The following AFDN variants were observed in gnomAD, a reference collection of about 807,000 sequenced individuals.
AFDN encodes afadin, adherens junction formation factor, also known as afadin.
Under a neutral mutation model 216.6 loss-of-function variants are expected in AFDN, and 68 were observed. The ratio of observed to expected loss-of-function variants is 0.31; its 90% CI spans 0.26 to 0.38. The LOEUF (loss-of-function observed/expected upper bound fraction) is 0.38, where lower values mean the gene tolerates loss of function less well. AFDN is among the 10% of genes least tolerant of loss of function. AFDN has a pLI of 1.00. For missense variants in AFDN, 2,136 were observed against 2,342.0 expected (o/e 0.91, Z 1.82); for synonymous variants, 868 against 853.7 (o/e 1.02, Z -0.29).
At position 167,898,778 on chromosome 6, in the gene AFDN, C is replaced by T. The variant is rs149202411; in HGVS notation, c.1580+311C>T. ...AAACATGGTGTTCTTTGTAATTATT[C>T]AGTGTAACTAAGATTATAAAATTTT... On this transcript the variant is annotated intron_variant, in intron 11 of 33. Transcript: ENST00000683244. Among the ~76,000 whole-genome samples, 25 of 152,272 alleles carry T rather than the reference C, an allele frequency of 1.6e-4. No homozygotes were observed. In the East Asian group the frequency reaches 4.8e-3, roughly 29 times the overall value.
intron 2 of AFDN, among the ~76,000 whole-genome samples, chr6:167,867,069 C>T (rs1029682807): frequency 3.3e-5 from 5 of 152,220 alleles, no homozygotes; most frequent in African/African-American, 1.2e-4. Context: ...ATCTTAAATG[C>T]GTAAAGATTA....
Position 167,924,274 on chromosome 6 carries a change from A to G in AFDN, c.3013-731A>G, listed in dbSNP as rs961851886. ...TTAAGTTCCTCCTTAGTGTGTATGC[A>G]CTGTTAATTTTCTTCTTGAATTTTG... On this transcript the variant is annotated intron_variant, in intron 22 of 33. Transcript: ENST00000683244. 1.1e-4 allele frequency among the ~76,000 whole-genome samples: 17 copies of G among 152,214 alleles called. 1 individual carries two copies. In the East Asian group the frequency reaches 3.1e-3, roughly 28 times the overall value.
chr6:167,931,481 G>A (rs1793295311), intron 23 of AFDN, among the ~76,000 whole-genome samples: 2 of 152,166 alleles, frequency 1.3e-5, no homozygotes, highest in East Asian at 3.9e-4. Context: ...TAAAGAAAAT[G>A]GCCTGTTAAT....
intron 1 of AFDN, among the ~76,000 whole-genome samples, chr6:167,840,288 C>A (rs1463058066): frequency 2.0e-5 from 3 of 152,126 alleles, no homozygotes; most frequent in African/African-American, 7.2e-5. Flanking sequence ...ATATGCAGGC[C>A]CATTTTGTGG....
chr6:167,906,445 A>G (rs981256275), intron 12 of AFDN, among the ~76,000 whole-genome samples: 23 of 152,196 alleles, frequency 1.5e-4, no homozygotes, highest in African/African-American at 5.5e-4. Context: ...TTTTTTATTT[A>G]CTACTTGTGC....
intron 22 of AFDN, among the ~76,000 whole-genome samples, chr6:167,924,238 T>C (rs1296321247): frequency 6.6e-6 from 1 of 152,246 alleles, no homozygotes; most frequent in Non-Finnish European, 1.5e-5. Flanking sequence ...CCTGCTTATA[T>C]ATTTAATTAC....
intron 21 of AFDN, among the ~76,000 whole-genome samples, chr6:167,920,239 TG>T (rs747014552): frequency 1.3e-5 from 2 of 152,006 alleles, no homozygotes; most frequent in East Asian, 3.9e-4. Context: ...GTGACGAGGT[TG>T]GGGAAGGAGG....
At chr6:167,937,815 A>G (rs1263428826) in intron 23 of AFDN, among the ~76,000 whole-genome samples, 1 of 152,188 alleles carries the variant, frequency 6.6e-6, no homozygotes, top group Non-Finnish European at 1.5e-5. Flanking sequence ...TTGCTAACCC[A>G]TATATAATGG....
At position 167,854,944 on chromosome 6, in the gene AFDN, T is replaced by C. The variant is rs147581606; in HGVS notation, c.106-9607T>C. Among the ~76,000 whole-genome samples, 16 of 152,112 alleles carry C rather than the reference T, an allele frequency of 1.1e-4. No homozygotes were observed. In the East Asian group the frequency reaches 2.7e-3, roughly 26 times the overall value. On this transcript the variant is annotated intron_variant, in intron 1 of 33. Transcript: ENST00000683244. ...AACCATTGTATTTTTAGTTACTGTT[T>C]TCTTAAATTTATAAATTAAGTGTGT...
chr6:167,943,610 C>T, intron 25 of AFDN, 135 bp downstream of exon 25: 2 of 661,562 alleles, frequency 3.0e-6, no homozygotes, highest in Non-Finnish European at 5.3e-6. Context: ...GTGTACGTGA[C>T]ATTTCACTTG....
chr6:167,844,174 TGAA>T lies in AFDN; in HGVS notation c.105+16939_105+16941del, dbSNP rs1223752668. ...AGTTTTGCTCTTGTAGACTCAAAAA[TGAA>T]GTGTGTGTGTGTGTGTGTGTGTGTG... On this transcript the variant is annotated intron_variant, in intron 1 of 33. Coordinates refer to ENST00000683244, the MANE Select transcript of AFDN (RefSeq NM_001386888.1). Among the ~76,000 whole-genome samples, 14 of 125,178 alleles carry T rather than the reference TGAA, an allele frequency of 1.1e-4. No homozygotes were observed. In the Admixed American group the frequency reaches 1.1e-3, roughly 10 times the overall value. 82.1% of individuals were successfully genotyped at this position (125,178 alleles called of 152,430 possible).
chr6:167,946,915 T>A lies in AFDN; in HGVS notation c.3553+14T>A. ...CCAACGTAGCAAGTAAGAGTGACAC[T>A]TTTTTGCTTCCTAAGTACACTTGTG... On this transcript the variant is annotated intron_variant, in intron 27 of 33. Transcript: ENST00000683244. The A allele has an allele frequency of 6.2e-7, 1 of 1,601,170 alleles. No homozygotes were observed. The highest frequency in any genetic ancestry group is 8.5e-7 in the Non-Finnish European group (1 of 1,176,308).
chr6:167,957,671 C>T (rs1796657853), intron 30 of AFDN, among the ~76,000 whole-genome samples: 1 of 152,178 alleles, frequency 6.6e-6, no homozygotes, highest in South Asian at 2.1e-4. Context: ...TCTGCTTTCT[C>T]CTGGCAGAGT....
rs370403598 is a variant in AFDN at position 167,907,216 on chromosome 6, A to G, written c.1696A>G (p.Thr566Ala). 62 of 1,614,106 alleles carry G rather than the reference A, an allele frequency of 3.8e-5. No individual in the cohort carries two copies. Among genetic ancestry groups the G allele is most frequent in the Non-Finnish European group, 4.6e-5 (54 of 1,180,030 alleles). ...DSDRVSSASS[T>A]AERGMVKPMI... is the part of the protein sequence containing the mutation. ...CGACAGAGTGTCGTCTGCCTCTAGC[A>G]CAGCCGAGCGGGGAATGGTGAAGCC... The change falls in exon 13 of 34, where the codon ACA becomes GCA. Residue 566 changes from threonine (T) to alanine (A), a missense_variant. Thr to Ala is a moderately conservative substitution (Grantham distance 58). Coordinates refer to ENST00000683244, the MANE Select transcript of AFDN (RefSeq NM_001386888.1).
At chr6:167,865,025 A>G (rs757806270) in intron 2 of AFDN, 4 of 523,986 alleles carry the variant, frequency 7.6e-6, no homozygotes, top group Middle Eastern at 4.3e-4. Flanking sequence ...TTTATCCAAC[A>G]TATCTGGGTG....
chr6:167,862,618 G>A (rs754596000), intron 1 of AFDN, among the ~76,000 whole-genome samples: 11 of 152,148 alleles, frequency 7.2e-5, no homozygotes, highest in South Asian at 2.1e-4. Context: ...CAGGTGATCC[G>A]CCCACCTCGG....
chr6:167,846,908 T>C (rs984262419), intron 1 of AFDN, among the ~76,000 whole-genome samples: 1 of 152,092 alleles, frequency 6.6e-6, no homozygotes, highest in Non-Finnish European at 1.5e-5. Flanking sequence ...CATTCAATAA[T>C]TGTATTATTG....
At chr6:167,944,153 GC>G in intron 26 of AFDN, 94 bp downstream of exon 26, 1 of 944,246 alleles carries the variant, frequency 1.1e-6, no homozygotes, top group Non-Finnish European at 1.6e-6. Flanking sequence ...TGTTACTATC[GC>G]CCCAGTTTTA....
chr6:167,926,371 G>A (rs1792530090), intron 23 of AFDN, among the ~76,000 whole-genome samples: 1 of 152,228 alleles, frequency 6.6e-6, no homozygotes, highest in South Asian at 2.1e-4. Context: ...CTACTAAGTG[G>A]TCTAACAAGT....
Sources: gnomAD v4.1 joint callset for allele counts (sites outside exome capture counted in the v4.1 genomes callset) on GRCh38, gnomAD v4.1.1 for gene constraint, MANE v1.5 for transcripts, NCBI Gene and HGNC (gene_info 2026-07-23, HGNC 2026-07-21) for gene names.